PRKG1: variants seen among roughly 807,000 people sequenced by gnomAD.
PRKG1 encodes the protein cGMP-dependent protein kinase 1.
PRKG1 carries 35 observed loss-of-function variants against 88.1 expected under a neutral mutation model. The ratio of observed to expected loss-of-function variants is 0.40; its 90% CI spans 0.30 to 0.53. The LOEUF (loss-of-function observed/expected upper bound fraction) is 0.53, where lower values mean the gene tolerates loss of function less well. Ranked by LOEUF, PRKG1 falls within the 20% of genes least tolerant of loss-of-function variation. PRKG1 has a pLI of 0.59. For synonymous variants in PRKG1, 303 were observed against 292.5 expected (o/e 1.04, Z -0.37); for missense variants, 540 against 839.8 (o/e 0.64, Z 4.41).
chr10:51,669,647 A>T (rs967223258), intron 3 of PRKG1, among the ~76,000 whole-genome samples: 1 of 152,222 alleles, frequency 6.6e-6, no homozygotes, highest in African/African-American at 2.4e-5. Flanking sequence ...CAGTAAATTG[A>T]TCCCAGGGTT....
intron 3 of PRKG1, among the ~76,000 whole-genome samples, chr10:51,565,288 C>A (rs534685178): frequency 2.0e-5 from 3 of 152,128 alleles, no homozygotes; most frequent in Middle Eastern, 3.4e-3. Flanking sequence ...AGCTCTTTGT[C>A]TTCATACTGT....
At chr10:51,893,904 C>G (rs907972160) in intron 4 of PRKG1, among the ~76,000 whole-genome samples, 1 of 152,012 alleles carries the variant, frequency 6.6e-6, no homozygotes, top group Non-Finnish European at 1.5e-5. Flanking sequence ...ACTACAAAAG[C>G]AGGACTTTCA....
chr10:51,229,245 G>T (rs1193857502), intron 2 of PRKG1, among the ~76,000 whole-genome samples: 1 of 152,060 alleles, frequency 6.6e-6, no homozygotes, highest in Non-Finnish European at 1.5e-5. Flanking sequence ...CACCATACCT[G>T]GCAGAGAGGA....
intron 3 of PRKG1, among the ~76,000 whole-genome samples, chr10:51,751,883 C>A (rs570924482): frequency 2.0e-5 from 3 of 151,582 alleles, no homozygotes; most frequent in East Asian, 1.9e-4. Flanking sequence ...GTATTTGTTG[C>A]GTAAAGTAAT....
At chr10:51,242,116 C>T (rs897389165) in intron 2 of PRKG1, among the ~76,000 whole-genome samples, 1 of 151,926 alleles carries the variant, frequency 6.6e-6, no homozygotes, top group Non-Finnish European at 1.5e-5. Flanking sequence ...GGAAGTCGTC[C>T]TATATATAAA....
chr10:52,037,148 C>A (rs969748855), intron 5 of PRKG1, among the ~76,000 whole-genome samples: 1 of 151,984 alleles, frequency 6.6e-6, no homozygotes, highest in African/African-American at 2.4e-5. Flanking sequence ...TGGGGTCCCA[C>A]ACAGATGGGA....
At chr10:51,535,524 G>A (rs114925837) in intron 3 of PRKG1, among the ~76,000 whole-genome samples, 82 of 152,232 alleles carry the variant, frequency 5.4e-4, no homozygotes, top group African/African-American at 1.8e-3. Context: ...TTTTGAAGCA[G>A]CTGAATAAAT....
intron 2 of PRKG1, among the ~76,000 whole-genome samples, chr10:51,346,921 T>C (rs1842125544): frequency 6.6e-6 from 1 of 152,192 alleles, no homozygotes; most frequent in Non-Finnish European, 1.5e-5. Flanking sequence ...ACTCAAACCT[T>C]ACTCAGTAAC....
intron 3 of PRKG1, among the ~76,000 whole-genome samples, chr10:51,560,514 T>A (rs1438613118): frequency 6.6e-6 from 1 of 152,072 alleles, no homozygotes; most frequent in Non-Finnish European, 1.5e-5. Context: ...GAAAAAACTT[T>A]TAGAGTAATT....
At chr10:51,739,992 G>A (rs1377471135) in intron 3 of PRKG1, among the ~76,000 whole-genome samples, 2 of 152,100 alleles carry the variant, frequency 1.3e-5, no homozygotes, top group East Asian at 1.9e-4. Context: ...GGTCTCCAGA[G>A]CACTTTACAG....
At chr10:52,142,338 C>A in intron 8 of PRKG1, among the ~76,000 whole-genome samples, 1 of 152,048 alleles carries the variant, frequency 6.6e-6, no homozygotes, top group South Asian at 2.1e-4. Context: ...CTGAGAGTAT[C>A]AAGTGGGTTT....
At chr10:51,590,508 T>G (rs1240521157) in intron 3 of PRKG1, among the ~76,000 whole-genome samples, 1 of 152,202 alleles carries the variant, frequency 6.6e-6, no homozygotes, top group East Asian at 1.9e-4. Context: ...AAGAAGAATA[T>G]TTTACTCCAG....
At chr10:51,484,240 C>T (rs142109857) in intron 3 of PRKG1, among the ~76,000 whole-genome samples, 209 of 152,222 alleles carry the variant, frequency 1.4e-3, no homozygotes, top group African/African-American at 4.9e-3. Context: ...AATTATCAAG[C>T]CCGTGTCCCT....
chr10:51,924,663 T>C (rs1452247252), intron 5 of PRKG1, among the ~76,000 whole-genome samples: 2 of 152,080 alleles, frequency 1.3e-5, no homozygotes, highest in South Asian at 2.1e-4. Context: ...GCTGGTATTC[T>C]AATTACGTAT....
intron 7 of PRKG1, among the ~76,000 whole-genome samples, chr10:52,105,623 A>C (rs1589610377): frequency 6.6e-6 from 1 of 151,562 alleles, no homozygotes; most frequent in South Asian, 2.1e-4. Flanking sequence ...ATACCTTTTT[A>C]GTTTTTTTTA....
chr10:51,649,675 C>T (rs1839993263), intron 3 of PRKG1, among the ~76,000 whole-genome samples: 1 of 152,108 alleles, frequency 6.6e-6, no homozygotes, highest in Non-Finnish European at 1.5e-5. Flanking sequence ...AACAGAAGAA[C>T]GAAAGCAGGG....
intron 1 of PRKG1, among the ~76,000 whole-genome samples, chr10:51,097,687 C>T (rs1418559135): frequency 6.6e-6 from 1 of 152,122 alleles, no homozygotes; most frequent in Non-Finnish European, 1.5e-5. Flanking sequence ...GCAGTGCCCG[C>T]CCTCCTTCAG....
chr10:51,719,156 AAG>A (rs112793661), intron 3 of PRKG1, among the ~76,000 whole-genome samples: 1 of 150,190 alleles, frequency 6.7e-6, no homozygotes, highest in Non-Finnish European at 1.5e-5. Flanking sequence ...TCTCAAAAAA[AAG>A]AGAGAGAGAG....
At chr10:51,930,086 C>CTTCT (rs1842657424) in intron 5 of PRKG1, among the ~76,000 whole-genome samples, 1 of 152,136 alleles carries the variant, frequency 6.6e-6, no homozygotes. Flanking sequence ...AATTTCCTTC[C>CTTCT]TTCTAAGGCT....
Sources: gnomAD v4.1 joint callset for allele counts (sites outside exome capture counted in the v4.1 genomes callset) on GRCh38, gnomAD v4.1.1 for gene constraint, MANE v1.5 for transcripts, NCBI Gene and HGNC (gene_info 2026-07-23, HGNC 2026-07-21) for gene names.